Variants in LRRC53 observed in about 807,000 individuals in gnomAD.
The protein encoded by LRRC53 is leucine-rich repeat-containing protein 53.
Under a neutral mutation model 13.6 loss-of-function variants are expected in LRRC53, and 25 were observed. That is an observed-to-expected ratio of 1.83 (90% CI 1.34 to 2.56). LRRC53 has a LOEUF of 2.56. Among genes scored for constraint, LRRC53 ranks in the 30% most tolerant of loss-of-function variants. The pLI, the probability that LRRC53 is intolerant of heterozygous loss-of-function variation, is 0.00. For missense variants in LRRC53, 527 were observed against 275.8 expected (o/e 1.91, Z -6.45); for synonymous variants, 204 against 109.8 (o/e 1.86, Z -5.37).
At chr1:74,532,001 T>A in the LRRC53 span, among the ~76,000 whole-genome samples, 3 of 152,200 alleles carry the variant, frequency 2.0e-5, no homozygotes, top group African/African-American at 7.2e-5. Context: ...TAAAAACTAA[T>A]TGGACCAATT....
chr1:74,525,553 T>C, the LRRC53 span, among the ~76,000 whole-genome samples: 259 of 152,274 alleles, frequency 1.7e-3, no homozygotes, highest in African/African-American at 5.5e-3. Flanking sequence ...CCAAATTTAT[T>C]TTTAAAATAA....
At chr1:74,527,889 A>T in the LRRC53 span, among the ~76,000 whole-genome samples, 1 of 152,098 alleles carries the variant, frequency 6.6e-6, no homozygotes, top group African/African-American at 2.4e-5. Flanking sequence ...TATGTGGTGG[A>T]TGGGAGTGGT....
intron 1 of LRRC53, among the ~76,000 whole-genome samples, chr1:74,497,541 G>T (rs764397496): frequency 6.0e-5 from 9 of 151,102 alleles, no homozygotes; most frequent in Non-Finnish European, 8.9e-5. Context: ...CAATCCCATG[G>T]CTTCAACTCA....
the LRRC53 span, among the ~76,000 whole-genome samples, chr1:74,519,733 A>T: frequency 6.6e-6 from 1 of 152,182 alleles, no homozygotes; most frequent in Non-Finnish European, 1.5e-5. Flanking sequence ...TTATACATGA[A>T]ATTTTTCTAA....
At chr1:74,533,820 C>G in the LRRC53 span, among the ~76,000 whole-genome samples, 9 of 152,190 alleles carry the variant, frequency 5.9e-5, no homozygotes, top group Non-Finnish European at 1.5e-5. Flanking sequence ...GGACAAAAAA[C>G]CAAACACCGC....
At chr1:74,523,810 A>G in the LRRC53 span, among the ~76,000 whole-genome samples, 3 of 152,218 alleles carry the variant, frequency 2.0e-5, no homozygotes, top group East Asian at 1.9e-4. Flanking sequence ...GTTCTGGGAT[A>G]CATGTGCAGA....
At chr1:74,479,996 C>T (rs549759505) in intron 3 of LRRC53, among the ~76,000 whole-genome samples, 157 bp downstream of exon 3, 86 of 152,356 alleles carry the variant, frequency 5.6e-4, no homozygotes, top group African/African-American at 1.7e-3. Flanking sequence ...ATTCTTGCAA[C>T]CTGTGCCAAA....
At chr1:74,509,936 TAG>T (rs201575154) in intron 1 of LRRC53, among the ~76,000 whole-genome samples, 4,072 of 151,956 alleles carry the variant, frequency 0.027, 85 homozygotes, top group Middle Eastern at 0.078. Context: ...GTATTTTTTG[TAG>T]AGACAGGGTT....
chr1:74,479,382 A>G (rs1668363622), intron 3 of LRRC53, among the ~76,000 whole-genome samples: 1 of 152,258 alleles, frequency 6.6e-6, no homozygotes, highest in Non-Finnish European at 1.5e-5. Context: ...CAAAAAATAT[A>G]TAAAGAATTG....
the LRRC53 span, among the ~76,000 whole-genome samples, chr1:74,534,055 C>T: frequency 3.6e-4 from 54 of 152,108 alleles, no homozygotes; most frequent in Non-Finnish European, 6.9e-4. Flanking sequence ...TCCCAGACAC[C>T]CCACAGGGGT....
chr1:74,507,772 G>T (rs1669980370), intron 1 of LRRC53, among the ~76,000 whole-genome samples: 2 of 152,158 alleles, frequency 1.3e-5, no homozygotes, highest in South Asian at 4.1e-4. Flanking sequence ...ACTATGGCAT[G>T]AGCTACCGTC....
chr1:74,519,534 T>G, the LRRC53 span, among the ~76,000 whole-genome samples: 1 of 151,302 alleles, frequency 6.6e-6, no homozygotes, highest in Admixed American at 6.6e-5. Flanking sequence ...CCGCATCCTC[T>G]CCAGCACCTG....
At chr1:74,485,608 A>T (rs577189127) in intron 1 of LRRC53, among the ~76,000 whole-genome samples, 63 of 152,286 alleles carry the variant, frequency 4.1e-4, no homozygotes, top group African/African-American at 1.4e-3. Flanking sequence ...TACTCCCATG[A>T]TTATGTTTCA....
At chr1:74,472,303 C>A in intron 4 of LRRC53, 102 bp from the exon 5 acceptor site, 1 of 621,148 alleles carries the variant, frequency 1.6e-6, no homozygotes, top group East Asian at 2.8e-5. Flanking sequence ...ACTGACTCCT[C>A]TGATAATTGC....
chr1:74,516,654 A>G (rs1249672927), upstream of LRRC53, among the ~76,000 whole-genome samples: 1 of 152,178 alleles, frequency 6.6e-6, no homozygotes. Context: ...AGTAAGTGGC[A>G]TGGTCAGCCA....
At chr1:74,536,750 T>C in the LRRC53 span, among the ~76,000 whole-genome samples, 1 of 152,188 alleles carries the variant, frequency 6.6e-6, no homozygotes, top group East Asian at 1.9e-4. Flanking sequence ...TAAAGAAGAC[T>C]ACCTAGTTGA....
chr1:74,526,210 T>C, the LRRC53 span, among the ~76,000 whole-genome samples: 1 of 152,210 alleles, frequency 6.6e-6, no homozygotes, highest in Non-Finnish European at 1.5e-5. Context: ...TGGAATTTCT[T>C]GCAGGGATGT....
chr1:74,479,002 G>A (rs1166514483), intron 3 of LRRC53, among the ~76,000 whole-genome samples: 1 of 152,076 alleles, frequency 6.6e-6, no homozygotes, highest in Non-Finnish European at 1.5e-5. Flanking sequence ...CCTGATGCTG[G>A]TCTCCATCTA....
the LRRC53 span, among the ~76,000 whole-genome samples, chr1:74,536,455 T>C: frequency 6.6e-6 from 1 of 152,164 alleles, no homozygotes. Context: ...AAAAATTTGT[T>C]TCTGTTCTTA....
Sources: gnomAD v4.1 joint callset for allele counts (sites outside exome capture counted in the v4.1 genomes callset) on GRCh38, gnomAD v4.1.1 for gene constraint, MANE v1.5 for transcripts, NCBI Gene and HGNC (gene_info 2026-07-23, HGNC 2026-07-21) for gene names.